The following APAF1 variants were observed in gnomAD, a reference collection of about 807,000 sequenced individuals.
The protein encoded by APAF1 is apoptotic protease-activating factor 1.
APAF1 carries 91 observed loss-of-function variants against 152.4 expected under a neutral mutation model. The ratio of observed to expected loss-of-function variants is 0.60; its 90% CI spans 0.50 to 0.71. APAF1 has a LOEUF of 0.71. Ranked by LOEUF, APAF1 falls within the 30% of genes least tolerant of loss-of-function variation. The pLI, the probability that APAF1 is intolerant of heterozygous loss-of-function variation, is 0.00. For synonymous variants in APAF1, 484 were observed against 494.1 expected (o/e 0.98, Z 0.27); for missense variants, 1,283 against 1,472.0 (o/e 0.87, Z 2.10).
chr12:98,664,643 C>T (rs2097669846), intron 7 of APAF1, among the ~76,000 whole-genome samples: 1 of 152,114 alleles, frequency 6.6e-6, no homozygotes, highest in African/African-American at 2.4e-5. Flanking sequence ...AAGCAATCCT[C>T]CTGCCCCAGC....
At chr12:98,725,065 T>A (rs1036268065) in intron 24 of APAF1, among the ~76,000 whole-genome samples, 1 of 152,220 alleles carries the variant, frequency 6.6e-6, no homozygotes, top group Non-Finnish European at 1.5e-5. Context: ...TATAGAAGCT[T>A]ATATGAGTTG....
intron 18 of APAF1, among the ~76,000 whole-genome samples, chr12:98,706,150 T>C (rs972218561): frequency 6.6e-6 from 1 of 152,164 alleles, no homozygotes; most frequent in Non-Finnish European, 1.5e-5. Flanking sequence ...TACACTTTGC[T>C]TTTTTTCTGT....
chr12:98,666,022 T>A (rs1034475122), intron 8 of APAF1, among the ~76,000 whole-genome samples, 168 bp from the exon 9 acceptor site: 1 of 152,196 alleles, frequency 6.6e-6, no homozygotes, highest in African/African-American at 2.4e-5. Context: ...GCATCTGACT[T>A]CTCTTTCTCT....
chr12:98,665,279 T>TG (rs1491328899), intron 7 of APAF1, among the ~76,000 whole-genome samples: 7 of 65,626 alleles, frequency 1.1e-4, no homozygotes, highest in Admixed American at 1.1e-3. Flanking sequence ...TATATATATA[T>TG]TTTTTTTTTT....
intron 5 of APAF1, among the ~76,000 whole-genome samples, chr12:98,661,570 G>A (rs547756732): frequency 1.1e-4 from 17 of 151,956 alleles, no homozygotes; most frequent in Admixed American, 6.6e-4. Context: ...TCTGCCTCCC[G>A]GGTTCAAGCG....
intron 4 of APAF1, among the ~76,000 whole-genome samples, chr12:98,655,449 G>A (rs2097655818): frequency 1.3e-5 from 2 of 150,940 alleles, no homozygotes; most frequent in African/African-American, 4.9e-5. Flanking sequence ...GCGGCCGGCC[G>A]GGCAGGGGGC....
At chr12:98,651,322 A>G in intron 4 of APAF1, among the ~76,000 whole-genome samples, 1 of 152,126 alleles carries the variant, frequency 6.6e-6, no homozygotes, top group African/African-American at 2.4e-5. Context: ...TATTTAATGT[A>G]TGTTCTTTGT....
At chr12:98,701,762 A>G (rs570655834) in intron 17 of APAF1, among the ~76,000 whole-genome samples, 2 of 152,302 alleles carry the variant, frequency 1.3e-5, no homozygotes, top group Non-Finnish European at 2.9e-5. Context: ...CCTTAACTGC[A>G]TGTAGATCCC....
chr12:98,671,452 T>C, intron 11 of APAF1, 83 bp from the exon 12 acceptor site: 1 of 1,354,236 alleles, frequency 7.4e-7, no homozygotes, highest in East Asian at 2.3e-5. Flanking sequence ...ATTTAAGCTT[T>C]TAAAGTGGCA....
At position 98,665,421 on chromosome 12, in the gene APAF1, A is replaced by G. The variant is rs995831848; in HGVS notation, c.956-132A>G. The stretch of plus-strand genomic sequence containing the variant: ...ATAAATATCTAGAAGTGAAGTCAAG[A>G]GTGATAAATACTTAAGGCTTTTGAT... On this transcript the variant is annotated intron_variant, in intron 7 of 26. Coordinates refer to ENST00000551964, the MANE Select transcript of APAF1 (RefSeq NM_181861.2). The G allele has an allele frequency of 5.4e-6, 4 of 740,944 alleles. No individual in the cohort carries two copies. In the Admixed American group the frequency reaches 7.7e-5, roughly 14 times the overall value. 45.9% of individuals were successfully genotyped at this position (740,944 alleles called of 1,614,324 possible).
chr12:98,677,573 A>G (rs754498012), intron 13 of APAF1, 22 bp downstream of exon 13: 6 of 1,614,126 alleles, frequency 3.7e-6, no homozygotes, highest in Non-Finnish European at 5.1e-6. Flanking sequence ...CTCTTGAGAA[A>G]AATGCAAAGA....
chr12:98,727,324 T>C lies in APAF1; in HGVS notation c.3600+8T>C, dbSNP rs1486424716. ...GCTGGAGGATATATTAAGGTAAGAG[T>C]TCCCCAAGAACTGTGAAAGAAAATA... On this transcript the variant is annotated splice_region_variant and intron_variant, in intron 26 of 26. Coordinates refer to ENST00000551964, the MANE Select transcript of APAF1 (RefSeq NM_181861.2). 1.2e-6 allele frequency: 2 copies of C among 1,613,816 alleles called. No individual in the cohort carries two copies. Among genetic ancestry groups the C allele is most frequent in the East Asian group, 2.2e-5 (1 of 44,856 alleles).
At chr12:98,652,248 C>T (rs1399109472) in intron 4 of APAF1, among the ~76,000 whole-genome samples, 2 of 152,166 alleles carry the variant, frequency 1.3e-5, no homozygotes, top group Non-Finnish European at 2.9e-5. Flanking sequence ...TCACCATGTC[C>T]AGCCAAAATT....
chr12:98,699,222 T>C (rs901046276), intron 16 of APAF1, among the ~76,000 whole-genome samples, 186 bp from the exon 17 acceptor site: 1 of 152,214 alleles, frequency 6.6e-6, no homozygotes, highest in Admixed American at 6.5e-5. Context: ...TAATTTTTTC[T>C]TTTTAAGAAC....
At chr12:98,676,463 C>G (rs1240786637) in intron 12 of APAF1, among the ~76,000 whole-genome samples, 2 of 152,080 alleles carry the variant, frequency 1.3e-5, no homozygotes, top group Admixed American at 6.6e-5. Context: ...CCCGCCTCGT[C>G]CTCCCAAAGT....
intron 12 of APAF1, 132 bp downstream of exon 12, chr12:98,671,851 T>C: frequency 1.2e-6 from 1 of 832,456 alleles, no homozygotes; most frequent in Non-Finnish European, 2.0e-6. Context: ...TAAGCATTCT[T>C]ACTTATTGAA....
At chr12:98,649,186 A>G (rs554204215) in intron 3 of APAF1, 61 of 980,852 alleles carry the variant, frequency 6.2e-5, no homozygotes, top group Non-Finnish European at 7.3e-5. Context: ...TTCCTTTTAC[A>G]CTTGCCTTCC....
rs1440244009 is a variant in APAF1 at position 98,662,758 on chromosome 12, A to G, written c.907A>G (p.Lys303Glu). Residue 303 changes from lysine to glutamate, a missense_variant, in exon 7 of 27, where the codon AAG becomes GAG. Coordinates refer to ENST00000551964, the MANE Select transcript of APAF1 (RefSeq NM_181861.2). ...TTTATCCCTTTTTGTTAATATGAAG[A>G]AGGCAGATTTGCCAGAACAAGCTCA... ...EILSLFVNMK[K>E]ADLPEQAHSI... 1.2e-6 allele frequency: 2 copies of G among 1,612,276 alleles called. No homozygotes were observed. The highest frequency in any genetic ancestry group is 8.5e-7 in the Non-Finnish European group (1 of 1,179,300).
Position 98,708,695 on chromosome 12 carries a change from A to G in APAF1, c.2832A>G (p.Arg944=). 1 of 1,613,548 alleles carries G rather than the reference A, an allele frequency of 6.2e-7. No individual in the cohort carries two copies. The highest frequency in any genetic ancestry group is 8.5e-7 in the Non-Finnish European group (1 of 1,179,794). ...EVMVLAVDHI[R]RLQLINGRTG... ...TGGTCCTTGCAGTTGACCATATAAG[A>G]CGTCTGCAAGTGAGTATTTTTTAGA... Residue 944 remains arginine, a synonymous_variant, in exon 20 of 27, where the codon AGA becomes AGG. Coordinates refer to ENST00000551964, the MANE Select transcript of APAF1 (RefSeq NM_181861.2).
Sources: gnomAD v4.1 joint callset for allele counts (sites outside exome capture counted in the v4.1 genomes callset) on GRCh38, gnomAD v4.1.1 for gene constraint, MANE v1.5 for transcripts, NCBI Gene and HGNC (gene_info 2026-07-23, HGNC 2026-07-21) for gene names.